The following THSD4 variants were observed in gnomAD, a reference collection of about 807,000 sequenced individuals.
THSD4 encodes thrombospondin type 1 domain containing 4.
THSD4 carries 69 observed loss-of-function variants against 119.0 expected under a neutral mutation model. That is an observed-to-expected ratio of 0.58 (90% CI 0.48 to 0.71). The LOEUF is 0.71. Ranked by LOEUF, THSD4 falls within the 30% of genes least tolerant of loss-of-function variation. The pLI is 0.00. For missense variants in THSD4, 1,393 were observed against 1,391.1 expected (o/e 1.00, Z -0.02); for synonymous variants, 524 against 540.4 (o/e 0.97, Z 0.42).
At chr15:71,262,476 A>G (rs890284353) in intron 6 of THSD4, among the ~76,000 whole-genome samples, 2 of 152,048 alleles carry the variant, frequency 1.3e-5, no homozygotes, top group African/African-American at 4.8e-5. Flanking sequence ...ATTGGAGCAA[A>G]TTCTACCTGT....
At chr15:71,302,365 T>C (rs2044962497) in intron 6 of THSD4, among the ~76,000 whole-genome samples, 1 of 152,114 alleles carries the variant, frequency 6.6e-6, no homozygotes, top group Non-Finnish European at 1.5e-5. Flanking sequence ...AAGGGGCTGA[T>C]GCAGGCACTG....
At chr15:71,110,889 G>A (rs1047758258), upstream of THSD4, 1 of 495,894 alleles carries the variant, frequency 2.0e-6, no homozygotes, top group African/African-American at 1.9e-5. Flanking sequence ...CCATGCTTGA[G>A]AAGAGGAGGC....
Position 71,660,739 on chromosome 15 carries a change from G to A in THSD4, c.1357+5G>A. On this transcript the variant is annotated splice_donor_5th_base_variant and intron_variant, in intron 8 of 17. Coordinates refer to ENST00000261862, the MANE Select transcript of THSD4 (RefSeq NM_024817.3). ...ACAAGAGCAACAACTATTTGGGTAA[G>A]CTTGGTCTTTTTCCAGAGAAAACCG... 2 of 1,614,072 alleles carry A rather than the reference G, an allele frequency of 1.2e-6. No individual in the cohort carries two copies. Among genetic ancestry groups the A allele is most frequent in the Non-Finnish European group, 1.7e-6 (2 of 1,179,994 alleles).
chr15:71,294,419 C>G (rs1020041825), intron 6 of THSD4, among the ~76,000 whole-genome samples: 1 of 152,186 alleles, frequency 6.6e-6, no homozygotes, highest in East Asian at 1.9e-4. Flanking sequence ...TACCTTCGCC[C>G]TCTGCCATGT....
intron 3 of THSD4, among the ~76,000 whole-genome samples, chr15:71,196,165 C>G (rs1286258125): frequency 6.6e-6 from 1 of 152,154 alleles, no homozygotes. Context: ...GTGGCAGAAG[C>G]CTCTTTTATA....
At chr15:71,343,445 G>A (rs1173768774) in intron 6 of THSD4, among the ~76,000 whole-genome samples, 1 of 152,162 alleles carries the variant, frequency 6.6e-6, no homozygotes, top group Admixed American at 6.5e-5. Context: ...TCTCAGAGGG[G>A]AAAAGTCCAA....
intron 7 of THSD4, among the ~76,000 whole-genome samples, chr15:71,609,864 AAAAG>A (rs1485554193): frequency 2.0e-5 from 3 of 149,922 alleles, no homozygotes; most frequent in East Asian, 2.0e-4. Flanking sequence ...AAAAAAAAAA[AAAAG>A]AAAAAAAGAA....
At chr15:71,349,274 C>T (rs948411433) in intron 6 of THSD4, among the ~76,000 whole-genome samples, 1 of 152,192 alleles carries the variant, frequency 6.6e-6, no homozygotes, top group South Asian at 2.1e-4. Context: ...CAGAAGTGGC[C>T]AGCCCAGAAA....
chr15:71,313,875 A>G (rs2045149144), intron 6 of THSD4, among the ~76,000 whole-genome samples: 1 of 152,154 alleles, frequency 6.6e-6, no homozygotes, highest in Admixed American at 6.5e-5. Context: ...TGTTAGAATG[A>G]GGGCTTAGGT....
intron 7 of THSD4, among the ~76,000 whole-genome samples, chr15:71,572,432 T>TTACA (rs771613685): frequency 1.1e-4 from 17 of 152,216 alleles, no homozygotes; most frequent in Non-Finnish European, 2.2e-4. Flanking sequence ...AGGTAGCCAC[T>TTACA]TACACAGTAT....
chr15:71,384,176 G>C (rs969468647), intron 6 of THSD4, among the ~76,000 whole-genome samples: 108 of 152,266 alleles, frequency 7.1e-4, no homozygotes, highest in African/African-American at 2.5e-3. Context: ...TCAGGAGATC[G>C]AGACCATCCT....
At chr15:71,510,482 A>T (rs1179133488) in intron 7 of THSD4, among the ~76,000 whole-genome samples, 1 of 152,230 alleles carries the variant, frequency 6.6e-6, no homozygotes, top group Non-Finnish European at 1.5e-5. Flanking sequence ...GAATAGGAGA[A>T]ACAGGCTGGA....
chr15:71,470,925 G>A (rs982647870), intron 7 of THSD4, among the ~76,000 whole-genome samples: 2 of 152,116 alleles, frequency 1.3e-5, no homozygotes, highest in South Asian at 2.1e-4. Flanking sequence ...GTGAGCCACC[G>A]CGCCCGGCCT....
At chr15:71,439,094 T>C (rs1277510972) in intron 7 of THSD4, among the ~76,000 whole-genome samples, 1 of 152,210 alleles carries the variant, frequency 6.6e-6, no homozygotes, top group African/African-American at 2.4e-5. Context: ...AATATGCTTT[T>C]GGCAGCTGTT....
chr15:71,329,805 G>A (rs1246590228), intron 6 of THSD4, among the ~76,000 whole-genome samples: 1 of 152,202 alleles, frequency 6.6e-6, no homozygotes, highest in African/African-American at 2.4e-5. Context: ...TATGGGCTGG[G>A]CGTGGTGGCT....
intron 7 of THSD4, among the ~76,000 whole-genome samples, chr15:71,629,689 A>G (rs1256810278): frequency 6.6e-6 from 1 of 151,958 alleles, no homozygotes; most frequent in East Asian, 1.9e-4. Context: ...ACCCCACTCC[A>G]CATCCCATAC....
chr15:71,530,088 G>T (rs558332486), intron 7 of THSD4, among the ~76,000 whole-genome samples: 25 of 152,268 alleles, frequency 1.6e-4, no homozygotes, highest in African/African-American at 5.8e-4. Flanking sequence ...GCTTGTAGTT[G>T]CAGCCTTCAA....
chr15:71,597,901 T>C (rs566989085), intron 7 of THSD4, among the ~76,000 whole-genome samples: 1 of 152,284 alleles, frequency 6.6e-6, no homozygotes, highest in Admixed American at 6.5e-5. Flanking sequence ...CTCCCTGGAA[T>C]TGCTTTTCAT....
chr15:71,183,547 A>G (rs2043559612), intron 3 of THSD4, among the ~76,000 whole-genome samples: 1 of 151,630 alleles, frequency 6.6e-6, no homozygotes, highest in Non-Finnish European at 1.5e-5. Flanking sequence ...AGTTACAGAT[A>G]AGGGGTTTAG....
Sources: gnomAD v4.1 joint callset for allele counts (sites outside exome capture counted in the v4.1 genomes callset) on GRCh38, gnomAD v4.1.1 for gene constraint, MANE v1.5 for transcripts, NCBI Gene and HGNC (gene_info 2026-07-23, HGNC 2026-07-21) for gene names.